Variants in CNOT2 observed in about 807,000 individuals in gnomAD.
CNOT2 encodes the protein CCR4-NOT transcription complex subunit 2.
In CNOT2, 7 loss-of-function variants were observed where a neutral mutation model predicts 72.1. The ratio of observed to expected loss-of-function variants is 0.10; its 90% CI spans 0.06 to 0.18. The LOEUF is 0.18. Among genes scored for constraint, CNOT2 ranks in the 10% least tolerant of loss-of-function variants. CNOT2 has a pLI of 1.00. For missense variants in CNOT2, 345 were observed against 660.3 expected, an observed-to-expected ratio of 0.52 and a Z score of 5.23; for synonymous variants, 196 against 225.6, an observed-to-expected ratio of 0.87 and a Z score of 1.17.
chr12:70,308,539 T>C (rs1474559842), intron 2 of CNOT2, among the ~76,000 whole-genome samples: 1 of 150,394 alleles, frequency 6.6e-6, no homozygotes, highest in Non-Finnish European at 1.5e-5. Flanking sequence ...GAAATTAAGC[T>C]TAAGTTTGGT....
At chr12:70,329,384 G>T in intron 4 of CNOT2, 39 bp from the exon 5 acceptor site, 1 of 1,544,676 alleles carries the variant, frequency 6.5e-7, no homozygotes. Context: ...TTTCATTCCT[G>T]ATGGCAATGA....
intron 3 of CNOT2, among the ~76,000 whole-genome samples, chr12:70,313,549 A>G (rs1876825015): frequency 2.0e-5 from 3 of 151,968 alleles, no homozygotes; most frequent in African/African-American, 7.2e-5. Flanking sequence ...GGTTCCAAAT[A>G]CTTTTTTTTT....
chr12:70,250,546 CAAAT>C (rs1361397820), intron 1 of CNOT2, among the ~76,000 whole-genome samples: 4 of 151,252 alleles, frequency 2.6e-5, no homozygotes, highest in African/African-American at 9.7e-5. Context: ...AGACAGTAAA[CAAAT>C]AAATAAACAT....
At chr12:70,313,941 CAG>C (rs1876893979) in intron 3 of CNOT2, among the ~76,000 whole-genome samples, 1 of 152,114 alleles carries the variant, frequency 6.6e-6, no homozygotes, top group Admixed American at 6.5e-5. Flanking sequence ...GATCCTGTGT[CAG>C]AACTACAACA....
chr12:70,251,164 A>G (rs1429336047), intron 1 of CNOT2, among the ~76,000 whole-genome samples: 1 of 152,220 alleles, frequency 6.6e-6, no homozygotes, highest in Non-Finnish European at 1.5e-5. Context: ...GTACAGTCCA[A>G]TAAATGTTAC....
intron 1 of CNOT2, among the ~76,000 whole-genome samples, chr12:70,269,472 T>C (rs1343343661): frequency 6.6e-6 from 1 of 152,130 alleles, no homozygotes; most frequent in Non-Finnish European, 1.5e-5. Context: ...TAAATACATA[T>C]GCTTATGAGG....
chr12:70,329,410 A>AT lies in CNOT2; in HGVS notation c.239-6dup. The AT allele has an allele frequency of 1.9e-6, 3 of 1,602,188 alleles. No homozygotes were observed. Among genetic ancestry groups the AT allele is most frequent in the Non-Finnish European group, 2.6e-6 (3 of 1,170,696 alleles). On this transcript the variant is annotated splice_polypyrimidine_tract_variant and intron_variant, in intron 4 of 15. Transcript: ENST00000229195. Reference sequence around the variant, plus strand: ...ATGGCAATGAATTTCCTTCTTCTGAATTTTTTTATTAGGTGCACTAGGCCT... The same window carrying AT: ...ATGGCAATGAATTTCCTTCTTCTGAATTTTTTTTATTAGGTGCACTAGGCCT...
At chr12:70,316,933 A>G (rs954917285) in intron 3 of CNOT2, among the ~76,000 whole-genome samples, 19 of 152,198 alleles carry the variant, frequency 1.2e-4, no homozygotes, top group African/African-American at 4.6e-4. Context: ...TTCAATAAAC[A>G]TAAATATCTG....
At chr12:70,251,063 CTT>C (rs549190629) in intron 1 of CNOT2, among the ~76,000 whole-genome samples, 126 of 152,220 alleles carry the variant, frequency 8.3e-4, no homozygotes, top group African/African-American at 2.9e-3. Context: ...AAACTGAAAA[CTT>C]TCCTTAATTC....
intron 2 of CNOT2, among the ~76,000 whole-genome samples, chr12:70,295,369 G>A (rs1445115817): frequency 1.3e-5 from 2 of 152,004 alleles, no homozygotes; most frequent in East Asian, 3.9e-4. Flanking sequence ...TTTTTCTTGA[G>A]TTTTTTAGAT....
chr12:70,302,428 T>C (rs1294442260), intron 2 of CNOT2, among the ~76,000 whole-genome samples: 1 of 151,820 alleles, frequency 6.6e-6, no homozygotes, highest in African/African-American at 2.4e-5. Context: ...TTTGTTCTCG[T>C]TGGTTTCAAA....
chr12:70,250,566 C>T (rs1958095573), intron 1 of CNOT2, among the ~76,000 whole-genome samples: 1 of 151,876 alleles, frequency 6.6e-6, no homozygotes, highest in Non-Finnish European at 1.5e-5. Flanking sequence ...AACATAATTT[C>T]AGGTAATGGT....
chr12:70,310,317 A>G (rs1457955978), intron 2 of CNOT2, among the ~76,000 whole-genome samples: 1 of 152,104 alleles, frequency 6.6e-6, no homozygotes, highest in Non-Finnish European at 1.5e-5. Context: ...AGCAGGTTAT[A>G]TCATTGAAAT....
intron 3 of CNOT2, among the ~76,000 whole-genome samples, chr12:70,312,231 C>T (rs959118036): frequency 3.3e-5 from 5 of 151,838 alleles, no homozygotes; most frequent in African/African-American, 1.2e-4. Flanking sequence ...ATTATTTACA[C>T]AGGTTTCTAT....
intron 1 of CNOT2, among the ~76,000 whole-genome samples, chr12:70,271,090 G>C (rs907068003): frequency 3.3e-5 from 5 of 152,144 alleles, no homozygotes; most frequent in African/African-American, 4.8e-5. Flanking sequence ...ATTAATTCCA[G>C]GGTCAGATTC....
chr12:70,341,382 ATAAT>A (rs1233669746), intron 11 of CNOT2, among the ~76,000 whole-genome samples: 1 of 152,166 alleles, frequency 6.6e-6, no homozygotes, highest in Non-Finnish European at 1.5e-5. Flanking sequence ...CTTCTGCCAG[ATAAT>A]TAATATGACT....
intron 2 of CNOT2, among the ~76,000 whole-genome samples, chr12:70,299,798 C>T (rs1873556105): frequency 6.6e-6 from 1 of 152,190 alleles, no homozygotes; most frequent in Admixed American, 6.5e-5. Context: ...GGAATCGCCA[C>T]ACTGACTTCC....
intron 1 of CNOT2, among the ~76,000 whole-genome samples, chr12:70,248,096 G>C (rs542892138): frequency 6.6e-6 from 1 of 152,274 alleles, no homozygotes; most frequent in Non-Finnish European, 1.5e-5. Flanking sequence ...GCTGTATTTT[G>C]TATGGTTATG....
chr12:70,303,389 T>A (rs895734407), intron 2 of CNOT2, among the ~76,000 whole-genome samples: 2 of 152,152 alleles, frequency 1.3e-5, no homozygotes. Flanking sequence ...GCTTCCTTCA[T>A]GAGCTATTTT....
Sources: allele counts gnomAD v4.1 joint callset (sites outside exome capture counted in the v4.1 genomes callset), GRCh38; gene constraint gnomAD v4.1.1; transcripts MANE v1.5; gene names NCBI Gene and HGNC (gene_info 2026-07-23, HGNC 2026-07-21).